INA: variants seen among roughly 807,000 people sequenced by gnomAD.
The protein encoded by INA is alpha-internexin.
INA carries 35 observed loss-of-function variants against 40.1 expected under a neutral mutation model. That is an observed-to-expected ratio of 0.87 (90% CI 0.67 to 1.16). INA has a LOEUF of 1.16. Ranked by LOEUF, INA falls within the 50% of genes most tolerant of loss-of-function variation. The pLI is 0.00. For synonymous variants in INA, 290 were observed against 316.9 expected, an observed-to-expected ratio of 0.92 and a Z score of 0.90; for missense variants, 594 against 686.7, an observed-to-expected ratio of 0.87 and a Z score of 1.51.
At chr10:103,284,583 A>G (rs899035552) in intron 1 of INA, among the ~76,000 whole-genome samples, 4 of 151,860 alleles carry the variant, frequency 2.6e-5, no homozygotes, top group African/African-American at 4.8e-5. Flanking sequence ...GTGAAACCCC[A>G]TCTCTACTAA....
intron 1 of INA, chr10:103,280,750 G>A: frequency 1.0e-6 from 1 of 985,460 alleles, no homozygotes; most frequent in South Asian, 4.7e-5. Context: ...CAAGAGAAGA[G>A]ATTAGGAAGA....
intron 1 of INA, among the ~76,000 whole-genome samples, chr10:103,286,202 T>C (rs990785589): frequency 6.6e-6 from 1 of 151,674 alleles, no homozygotes; most frequent in Non-Finnish European, 1.5e-5. Context: ...GGCATGGTAG[T>C]GTACACCTGT....
At position 103,277,179 on chromosome 10, in the gene INA, T is replaced by G. The variant is rs781371956; in HGVS notation, c.-33T>G. ...CTCTCCTTTCTTCTGTAGCTCGCGT[T>G]GAAGCCGCACGTCCGGCCCCGATCC... On this transcript the variant is annotated 5_prime_UTR_variant, in exon 1 of 3. Coordinates refer to ENST00000369849, the MANE Select transcript of INA (RefSeq NM_032727.4). This position sits in a 1 kb window ranked among gnomAD's most constrained non-coding sequence, Gnocchi z 5.6. 5 of 1,544,556 alleles carry G rather than the reference T, an allele frequency of 3.2e-6. No individual in the cohort carries two copies. The highest frequency in any genetic ancestry group is 4.3e-6 in the Non-Finnish European group (5 of 1,151,770).
In INA at chr10:103,288,570, G is replaced by A; in HGVS notation, c.1401G>A (p.Gly467=). 6.2e-7 allele frequency: 1 copy of A among 1,613,460 alleles called. No homozygotes were observed. The highest frequency in any genetic ancestry group is 1.1e-5 in the South Asian group (1 of 91,018). Residue 467 remains glycine, a synonymous_variant, in exon 3 of 3, where the codon GGG becomes GGA. Coordinates refer to ENST00000369849, the MANE Select transcript of INA (RefSeq NM_032727.4). ...CCTCTAAGAAAACCTCCCAGATAGG[G>A]GAAAGTTTTGAAGAAATATTAGAGG... ...KVASKKTSQI[G]ESFEEILEET... is the part of the protein sequence containing the mutation.
chr10:103,284,125 T>A (rs2133535774), intron 1 of INA, among the ~76,000 whole-genome samples: 1 of 150,208 alleles, frequency 6.7e-6, no homozygotes, highest in East Asian at 2.0e-4. Flanking sequence ...TTTTTTTTTT[T>A]AAGACGGGGT....
rs1163083 is a variant in INA, at chr10:103,278,698, T to A, written c.1065+422T>A. Among the ~76,000 whole-genome samples the A allele has an allele frequency of 0.47, 72,043 of 151,830 alleles. 17,248 individuals carry two copies. Among genetic ancestry groups the A allele is most frequent in the South Asian group, 0.63 (3,043 of 4,814 alleles). On this transcript the variant is annotated intron_variant, in intron 1 of 2. Transcript: ENST00000369849. This position sits in a 1 kb window ranked among gnomAD's most constrained non-coding sequence, Gnocchi z 4.9. Reference sequence around the variant, plus strand: ...AAAAGCTTTCTGTGCGCCCTAGAAGTTATTTATGGAGTATGGTCTGCTTCA... The same window carrying A: ...AAAAGCTTTCTGTGCGCCCTAGAAGATATTTATGGAGTATGGTCTGCTTCA...
intron 1 of INA, chr10:103,280,937 G>C (rs1420949824): frequency 1.0e-6 from 1 of 985,234 alleles, no homozygotes; most frequent in African/African-American, 1.7e-5. Context: ...CAGGGTCTCA[G>C]ACCTCTACTG....
At position 103,278,108 on chromosome 10, in the gene INA, G is replaced by T. The variant is rs1330455585; in HGVS notation, c.897G>T (p.Ala299=). Reference sequence around the variant, plus strand: ...TTGCCAACCTGAACGAGCAGGCGGCGCGCAGCACCGAGGCCATCCGGGCCA... The same window carrying T: ...TTGCCAACCTGAACGAGCAGGCGGCTCGCAGCACCGAGGCCATCCGGGCCA... ...SKFANLNEQA[A]RSTEAIRASR... Residue 299 remains alanine, a synonymous_variant, in exon 1 of 3, where the codon GCG becomes GCT. Transcript: ENST00000369849. This position sits in a 1 kb window ranked among gnomAD's most constrained non-coding sequence, Gnocchi z 4.9. 6.2e-7 allele frequency: 1 copy of T among 1,613,240 alleles called. No individual in the cohort carries two copies. The highest frequency in any genetic ancestry group is 8.5e-7 in the Non-Finnish European group (1 of 1,179,886).
chr10:103,287,140 A>G lies in INA; in HGVS notation c.1171A>G (p.Ile391Val). 6.2e-7 allele frequency: 1 copy of G among 1,613,684 alleles called. No homozygotes were observed. Among genetic ancestry groups the G allele is most frequent in the Non-Finnish European group, 8.5e-7 (1 of 1,179,850 alleles). Residue 391 changes from isoleucine (I) to valine (V), a missense_variant, in exon 2 of 3, where the codon ATT becomes GTT. By Grantham distance (29) the Ile-to-Val change is conservative. Around this residue, in one of 2 missense-constraint regions of INA, gnomAD observed 379 missense variants for 496.1 expected, o/e 0.76. Coordinates refer to ENST00000369849, the MANE Select transcript of INA (RefSeq NM_032727.4). Reference sequence around the variant, plus strand: ...GCTCAATGTCAAAATGGCTCTTGACATTGAGATAGCAGCTTACAGGTACTG... The same window carrying G: ...GCTCAATGTCAAAATGGCTCTTGACGTTGAGATAGCAGCTTACAGGTACTG... The part of the protein sequence containing the change: ...DLLNVKMALD[I>V]EIAAYRKLLE...
chr10:103,279,427 T>G (rs1240566359), intron 1 of INA, among the ~76,000 whole-genome samples: 3 of 152,224 alleles, frequency 2.0e-5, no homozygotes, highest in Admixed American at 1.3e-4. Context: ...CACTGTGTCT[T>G]CAGTTTTACT....
chr10:103,281,859 A>G (rs1364974897), intron 1 of INA, among the ~76,000 whole-genome samples: 1 of 152,210 alleles, frequency 6.6e-6, no homozygotes, highest in African/African-American at 2.4e-5. Flanking sequence ...AGCTAAGACG[A>G]TGCTCAGCGT....
At chr10:103,285,806 C>T (rs1039893758) in intron 1 of INA, among the ~76,000 whole-genome samples, 17 of 151,616 alleles carry the variant, frequency 1.1e-4, no homozygotes, top group South Asian at 6.3e-4. Context: ...TTAGTAGAGA[C>T]GGAGTTTTGC....
chr10:103,288,384 A>G lies in INA; in HGVS notation c.1215A>G (p.Thr405=), dbSNP rs1455708032. ...GGAAACTGCTGGAAGGCGAGGAGAC[A>G]CGTTTTAGCACCAGTGGGTTAAGCA... is the stretch of plus-strand genomic sequence containing the variant. ...AYRKLLEGEE[T]RFSTSGLSIS... Residue 405 remains threonine, a synonymous_variant, in exon 3 of 3, where the codon ACA becomes ACG. Transcript: ENST00000369849. 2 of 1,600,852 alleles carry G rather than the reference A, an allele frequency of 1.2e-6. No homozygotes were observed. Among genetic ancestry groups the G allele is most frequent in the South Asian group, 2.2e-5 (2 of 89,746 alleles).
chr10:103,286,569 G>T (rs1221310363), intron 1 of INA, among the ~76,000 whole-genome samples: 2 of 152,026 alleles, frequency 1.3e-5, no homozygotes, highest in East Asian at 3.9e-4. Flanking sequence ...AAAGCTCTCT[G>T]TGCTTTCCAC....
At chr10:103,282,069 CACAA>C (rs555567537) in intron 1 of INA, among the ~76,000 whole-genome samples, 173 of 152,338 alleles carry the variant, frequency 1.1e-3, no homozygotes, top group Middle Eastern at 3.4e-3. Flanking sequence ...GGGAGGAGAG[CACAA>C]ACAAAGAGAC....
At position 103,277,753 on chromosome 10, in the gene INA, G is replaced by A. The variant is rs1329287494; in HGVS notation, c.542G>A (p.Arg181His). 9.8e-6 allele frequency: 14 copies of A among 1,430,920 alleles called. No individual in the cohort carries two copies. The highest frequency in any genetic ancestry group is 3.0e-5 in the Admixed American group (1 of 32,890). 88.6% of individuals were successfully genotyped at this position (1,430,920 alleles called of 1,614,324 possible). A position where few individuals can be genotyped will look rare whatever the true frequency, so the allele number is the denominator to read the frequency against. The change falls in exon 1 of 3, where the codon CGC (arginine) becomes CAC (histidine). Residue 181 changes from arginine to histidine, a missense_variant. Physicochemically the swap from Arg to His is conservative, Grantham distance 29 (BLOSUM62 0). Around this residue, in one of 2 missense-constraint regions of INA, gnomAD observed 379 missense variants for 496.1 expected, o/e 0.76. Transcript: ENST00000369849. The surrounding 1 kb of genome is among the most constrained non-coding windows in gnomAD (Gnocchi z 5.6). ...LAEEVQRLRA[R>H]CEEESRGREG... ...GAGGAGGTGCAGCGGCTGCGGGCGC[G>A]CTGCGAGGAGGAGAGCCGCGGACGC...
chr10:103,282,053 G>C (rs2093073997), intron 1 of INA, among the ~76,000 whole-genome samples: 1 of 152,252 alleles, frequency 6.6e-6, no homozygotes, highest in South Asian at 2.1e-4. Context: ...GACACAGCCT[G>C]ATGTGGGGAG....
chr10:103,285,351 G>A (rs138971825), intron 1 of INA, among the ~76,000 whole-genome samples: 512 of 149,430 alleles, frequency 3.4e-3, no homozygotes, highest in Non-Finnish European at 5.5e-3. Flanking sequence ...GCTGGAGTGC[G>A]GTGGTACGAT....
rs1045355163 is a variant in INA, at chr10:103,290,078, A to C, written c.*1409A>C. On this transcript the variant is annotated 3_prime_UTR_variant, in exon 3 of 3. Coordinates refer to ENST00000369849, the MANE Select transcript of INA (RefSeq NM_032727.4). ...ATTGCCCAGTCTTTCATGTGTGCCA[A>C]GGCTGATGCAGGATTTGTTCTCTGT... The C allele has an allele frequency of 6.6e-6, 1 of 152,638 alleles. No individual in the cohort carries two copies. Among genetic ancestry groups the C allele is most frequent in the Non-Finnish European group, 1.5e-5 (1 of 68,036 alleles). 9.5% of individuals were successfully genotyped at this position (152,638 alleles called of 1,614,324 possible).
Sources: allele counts gnomAD v4.1 joint callset (sites outside exome capture counted in the v4.1 genomes callset), GRCh38; gene constraint gnomAD v4.1.1; regional missense constraint gnomAD v4.1.1; non-coding constraint Gnocchi (gnomAD v3.1); transcripts MANE v1.5; gene names NCBI Gene and HGNC (gene_info 2026-07-23, HGNC 2026-07-21).